The following DMBX1 variants were observed in gnomAD, a reference collection of about 807,000 sequenced individuals.
The protein encoded by DMBX1 is diencephalon/mesencephalon homeobox 1.
A neutral mutation model predicts 30.4 loss-of-function variants in DMBX1; 7 were observed. The ratio of observed to expected loss-of-function variants is 0.23; its 90% CI spans 0.13 to 0.43. DMBX1 has a LOEUF of 0.43. DMBX1 is among the 20% of genes least tolerant of loss of function. The pLI is 1.00. For synonymous variants in DMBX1, 222 were observed against 214.2 expected (o/e 1.04, Z -0.32); for missense variants, 460 against 508.5 (o/e 0.90, Z 0.92).
chr1:46,508,495 T>C (rs1477918005), intron 3 of DMBX1, among the ~76,000 whole-genome samples: 1 of 152,174 alleles, frequency 6.6e-6, no homozygotes, highest in Non-Finnish European at 1.5e-5. Flanking sequence ...ATAAAGGTTC[T>C]CTGGACCAGT....
At position 46,515,505 on chromosome 1, in the gene DMBX1, C is replaced by A. The variant is rs1364871182; in HGVS notation, c.*3011C>A. 6.6e-6 allele frequency among the ~76,000 whole-genome samples: 1 copy of A among 152,210 alleles called. No homozygotes were observed. Among genetic ancestry groups the A allele is most frequent in the Non-Finnish European group, 1.5e-5 (1 of 68,034 alleles). On this transcript the variant is annotated 3_prime_UTR_variant, in exon 6 of 6. Transcript: ENST00000360032. ...CCTCAGATGTTTGTTAACACTTGTC[C>A]CATTCAATTGACCCAAATCTGCCAG...
rs555404131 is a variant in DMBX1, at chr1:46,511,813, G to A, written c.683-230G>A. On this transcript the variant is annotated intron_variant, in intron 5 of 5. Coordinates refer to ENST00000360032, the MANE Select transcript of DMBX1 (RefSeq NM_172225.2). ...CCCTTGAAAAGAAAAAGAGACAGAC[G>A]TGGGGGCCTTGGCAGGGTCCCTGGA... Among the ~76,000 whole-genome samples the A allele has an allele frequency of 3.5e-4, 53 of 152,300 alleles. 1 individual carries two copies. In the South Asian group the frequency reaches 7.9e-3, roughly 23 times the overall value.
chr1:46,511,590 C>T (rs1557790902), intron 5 of DMBX1, among the ~76,000 whole-genome samples: 1 of 152,162 alleles, frequency 6.6e-6, no homozygotes, highest in Non-Finnish European at 1.5e-5. Context: ...GCATACTGGG[C>T]GAATACTGTA....
chr1:46,504,910 C>G lies in DMBX1; in HGVS notation c.-12-2089C>G, dbSNP rs1226208669. On this transcript the variant is annotated intron_variant, in intron 2 of 5. Transcript: ENST00000360032. ...TTTCCTTGAGCAGTGGTTTGTAGTT[C>G]TCCTTGAAGAGGTCCTTCACATCCC... Among the ~76,000 whole-genome samples, 3 of 151,516 alleles carry G rather than the reference C, an allele frequency of 2.0e-5. No individual in the cohort carries two copies. The East Asian group carries it at 5.8e-4, about 29-fold the overall frequency.
rs1400495201 is a variant in DMBX1 at position 46,513,877 on chromosome 1, A to C, written c.*1383A>C. The C allele has an allele frequency of 6.6e-6, 1 of 152,238 alleles. No individual in the cohort carries two copies. The highest frequency in any genetic ancestry group is 1.9e-4 in the East Asian group (1 of 5,202). The allele number at this position is 152,238 out of a possible 1,614,324, so 9.4% of individuals were successfully genotyped here. On this transcript the variant is annotated 3_prime_UTR_variant, in exon 6 of 6. Transcript: ENST00000360032. Reference sequence around the variant, plus strand: ...CTCCAGCTAGTCACTGGAATGGAAAAGTGTGTTCCTGTTCATAGCCAGGAA... The same window carrying C: ...CTCCAGCTAGTCACTGGAATGGAAACGTGTGTTCCTGTTCATAGCCAGGAA...
At chr1:46,501,272 C>CTTTTCTTTCTT (rs1557786162) in intron 2 of DMBX1, among the ~76,000 whole-genome samples, 1 of 83,892 alleles carries the variant, frequency 1.2e-5, no homozygotes, top group Non-Finnish European at 2.3e-5. Flanking sequence ...CTTTCTTTCT[C>CTTTTCTTTCTT]TTCTTTCTTT....
chr1:46,512,602 G>A lies in DMBX1; in HGVS notation c.*108G>A. 1 of 1,263,748 alleles carries A rather than the reference G, an allele frequency of 7.9e-7. No homozygotes were observed. The highest frequency in any genetic ancestry group is 1.5e-5 in the African/African-American group (1 of 66,674). The allele number at this position is 1,263,748 out of a possible 1,614,324, so 78.3% of individuals were successfully genotyped here. The stretch of plus-strand genomic sequence containing the variant: ...AACTCCATGAGCCCAGGGATCCTAG[G>A]GCCTGGGGTCCTGTTCCCTGCTCCG... On this transcript the variant is annotated 3_prime_UTR_variant, in exon 6 of 6. Transcript: ENST00000360032. This position sits in a 1 kb window ranked among gnomAD's most constrained non-coding sequence, Gnocchi z 4.8.
In DMBX1 at chr1:46,510,887, C is replaced by T. The variant is rs1027618525; in HGVS notation, c.334-48C>T. The stretch of plus-strand genomic sequence containing the variant: ...CCCAGAGCACCCTGCTCCACACCAA[C>T]CCCACTTCTTTCTTGCCCACCTCGG... On this transcript the variant is annotated intron_variant, in intron 4 of 5. Transcript: ENST00000360032. The surrounding 1 kb of genome is among the most constrained non-coding windows in gnomAD (Gnocchi z 4.1). 1.3e-6 allele frequency: 2 copies of T among 1,521,522 alleles called. No homozygotes were observed. Among genetic ancestry groups the T allele is most frequent in the Non-Finnish European group, 1.8e-6 (2 of 1,131,700 alleles). 94.3% of individuals were successfully genotyped at this position (1,521,522 alleles called of 1,614,324 possible).
intron 2 of DMBX1, among the ~76,000 whole-genome samples, chr1:46,500,343 CACTT>C (rs59475131): frequency 0.071 from 10,775 of 152,062 alleles, 482 homozygotes; most frequent in East Asian, 0.18. Context: ...ATTAAAATGT[CACTT>C]ACCACATCAA....
Position 46,514,225 on chromosome 1 carries a change from A to AAAT in DMBX1, c.*1733_*1734insTAA, listed in dbSNP as rs1553188308. The AAAT allele has an allele frequency of 2.1e-3, 291 of 137,448 alleles. 1 individual carries two copies. Among genetic ancestry groups the AAAT allele is most frequent in the African/African-American group, 6.9e-3 (276 of 40,068 alleles). 8.5% of individuals were successfully genotyped at this position (137,448 alleles called of 1,614,324 possible). A position where few individuals can be genotyped will look rare whatever the true frequency, so the allele number is the denominator to read the frequency against. ...GAGACTCCATCTCAAAAAAAAAAAA[A>AAAT]AAATAAATAAAAGCTGTGTGACCTT... On this transcript the variant is annotated 3_prime_UTR_variant, in exon 6 of 6. Transcript: ENST00000360032.
chr1:46,506,995 G>A lies in DMBX1; in HGVS notation c.-12-4G>A, dbSNP rs767104924. 3.1e-6 allele frequency: 5 copies of A among 1,613,688 alleles called. No individual in the cohort carries two copies. The South Asian group carries it at 4.4e-5, about 14-fold the overall frequency. The stretch of plus-strand genomic sequence containing the variant: ...CATGGCCCCTCTCCCTTTTCCGTCT[G>A]TAGGCGGATGCCGCCATGCAGCACT... On this transcript the variant is annotated splice_polypyrimidine_tract_variant and splice_region_variant and intron_variant, in intron 2 of 5. Transcript: ENST00000360032.
In DMBX1 at chr1:46,510,536, C is replaced by T. The variant is rs1358559032; in HGVS notation, c.215C>T (p.Ala72Val). 3.1e-6 allele frequency: 5 copies of T among 1,614,154 alleles called. No homozygotes were observed. Among genetic ancestry groups the T allele is most frequent in the Non-Finnish European group, 4.2e-6 (5 of 1,180,026 alleles). Residue 72 changes from alanine to valine, a missense_variant, in exon 4 of 6, where the codon GCG (alanine) becomes GTG (valine). Around this residue, in one of 3 missense-constraint regions of DMBX1, gnomAD observed 124 missense variants for 144.0 expected, o/e 0.86. Coordinates refer to ENST00000360032, the MANE Select transcript of DMBX1 (RefSeq NM_172225.2). The surrounding 1 kb of genome is among the most constrained non-coding windows in gnomAD (Gnocchi z 4.1). The part of the protein sequence containing the change: ...QHRKQRRSRT[A>V]FTAQQLEALE... The stretch of plus-strand genomic sequence containing the variant: ...CGCAAACAACGTCGCAGCCGCACAG[C>T]GTTCACGGCTCAGCAGCTCGAGGCC...
At chr1:46,509,840 A>G (rs868753425) in intron 3 of DMBX1, among the ~76,000 whole-genome samples, 5 of 151,858 alleles carry the variant, frequency 3.3e-5, no homozygotes, top group Middle Eastern at 6.8e-3. Context: ...CCCCTTAGCC[A>G]GGCTCTCTGT....
In DMBX1 at chr1:46,501,355, A is replaced by G. The variant is rs371734675; in HGVS notation, c.-12-5644A>G. ...GAGTGCAGTGACATGATCTCAGGTC[A>G]CTGCAACCTCCACCTTCCGGGTTCA... On this transcript the variant is annotated intron_variant, in intron 2 of 5. Transcript: ENST00000360032. Among the ~76,000 whole-genome samples the G allele has an allele frequency of 2.0e-3, 304 of 149,780 alleles. 1 individual carries two copies. The highest frequency in any genetic ancestry group is 3.8e-3 in the Non-Finnish European group (258 of 67,662).
chr1:46,502,713 C>T (rs542459214), intron 2 of DMBX1, among the ~76,000 whole-genome samples: 4 of 152,052 alleles, frequency 2.6e-5, no homozygotes, highest in African/African-American at 9.7e-5. Flanking sequence ...ATAGTGAGAC[C>T]CTATCTCTAC....
chr1:46,510,329 G>T lies in DMBX1; in HGVS notation c.155-147G>T, dbSNP rs992615080. ...GCCCACAGCCATATGGAGAGGGGAT[G>T]GCTGATTTCTAAGGGTAAGGGACCA... On this transcript the variant is annotated intron_variant, in intron 3 of 5. Coordinates refer to ENST00000360032, the MANE Select transcript of DMBX1 (RefSeq NM_172225.2). This position sits in a 1 kb window ranked among gnomAD's most constrained non-coding sequence, Gnocchi z 4.1. The T allele has an allele frequency of 2.8e-5, 27 of 947,644 alleles. No individual in the cohort carries two copies. The Admixed American group carries it at 5.1e-4, about 18-fold the overall frequency. 58.7% of individuals were successfully genotyped at this position (947,644 alleles called of 1,614,324 possible). A position where few individuals can be genotyped will look rare whatever the true frequency, so the allele number is the denominator to read the frequency against.
rs895675027 is a variant in DMBX1, at chr1:46,510,835, G to T, written c.334-100G>T. The T allele has an allele frequency of 2.2e-6, 3 of 1,356,564 alleles. No individual in the cohort carries two copies. The highest frequency in any genetic ancestry group is 2.9e-5 in the African/African-American group (2 of 68,136). The allele number at this position is 1,356,564 out of a possible 1,614,324, so 84.0% of individuals were successfully genotyped here. A position where few individuals can be genotyped will look rare whatever the true frequency, so the allele number is the denominator to read the frequency against. ...GAGGGTGTGCATTCCCTAGAGGGGT[G>T]GGGGGATGTTATCACGTACATCCTC... is the stretch of plus-strand genomic sequence containing the variant. On this transcript the variant is annotated intron_variant, in intron 4 of 5. Transcript: ENST00000360032. This position sits in a 1 kb window ranked among gnomAD's most constrained non-coding sequence, Gnocchi z 4.1.
chr1:46,498,555 G>C (rs936249016), intron 2 of DMBX1, among the ~76,000 whole-genome samples: 2 of 151,932 alleles, frequency 1.3e-5, no homozygotes, highest in African/African-American at 4.8e-5. Flanking sequence ...TAGCAGCAGG[G>C]GACAGGGCCA....
At position 46,515,836 on chromosome 1, in the gene DMBX1, C is replaced by CTCAT. The variant is rs1666480537; in HGVS notation, c.*3343_*3346dup. 6.6e-6 allele frequency among the ~76,000 whole-genome samples: 1 copy of CTCAT among 152,224 alleles called. No homozygotes were observed. Among genetic ancestry groups the CTCAT allele is most frequent in the Non-Finnish European group, 1.5e-5 (1 of 68,042 alleles). ...CTCTGACTGTCCCTTCCAGGAATGC[C>CTCAT]TCATGCCTGGCCTCTCCCTGCTGTC... On this transcript the variant is annotated 3_prime_UTR_variant, in exon 6 of 6. Transcript: ENST00000360032.
Sources: allele counts gnomAD v4.1 joint callset (sites outside exome capture counted in the v4.1 genomes callset), GRCh38; gene constraint gnomAD v4.1.1; regional missense constraint gnomAD v4.1.1; non-coding constraint Gnocchi (gnomAD v3.1); transcripts MANE v1.5; gene names NCBI Gene and HGNC (gene_info 2026-07-23, HGNC 2026-07-21).